Variants in CILK1 observed in about 807,000 individuals in gnomAD.
The protein encoded by CILK1 is ciliogenesis associated kinase 1.
In CILK1, 47 loss-of-function variants were observed where a neutral mutation model predicts 79.2. That is an observed-to-expected ratio of 0.59 (90% CI 0.47 to 0.76). The LOEUF (loss-of-function observed/expected upper bound fraction) is 0.76, where lower values mean the gene tolerates loss of function less well. Among genes scored for constraint, CILK1 ranks in the 30% least tolerant of loss-of-function variants. The pLI is 0.00. For missense variants in CILK1, 660 were observed against 769.5 expected (o/e 0.86, Z 1.68); for synonymous variants, 266 against 275.9 (o/e 0.96, Z 0.36).
At chr6:53,050,837 T>A (rs568148419) in intron 1 of CILK1, among the ~76,000 whole-genome samples, 14 of 151,890 alleles carry the variant, frequency 9.2e-5, no homozygotes, top group East Asian at 5.8e-4. Flanking sequence ...CAAAAAAAAA[T>A]TTTTTTTAAT....
chr6:53,006,083 T>C (rs933150091), intron 13 of CILK1, among the ~76,000 whole-genome samples: 1 of 152,150 alleles, frequency 6.6e-6, no homozygotes, highest in African/African-American at 2.4e-5. Flanking sequence ...TACCCCACAC[T>C]CCAACCCCCA....
intron 5 of CILK1, among the ~76,000 whole-genome samples, chr6:53,030,643 A>C (rs1330683821): frequency 1.3e-5 from 2 of 152,118 alleles, no homozygotes; most frequent in Admixed American, 6.5e-5. Context: ...TGTCGCATAC[A>C]TTTTGTTAGA....
intron 4 of CILK1, among the ~76,000 whole-genome samples, chr6:53,032,326 C>T (rs551185019): frequency 3.3e-5 from 5 of 151,964 alleles, no homozygotes; most frequent in African/African-American, 1.2e-4. Context: ...GAAAAGCACA[C>T]CAGCATGGCA....
At chr6:53,056,194 T>A (rs1258210706) in intron 1 of CILK1, among the ~76,000 whole-genome samples, 1 of 152,246 alleles carries the variant, frequency 6.6e-6, no homozygotes, top group East Asian at 1.9e-4. Context: ...TATCAGTATT[T>A]ATATGCTATT....
In CILK1 at chr6:53,012,052, T is replaced by C; in HGVS notation, c.1328A>G (p.Asp443Gly). 1 of 1,614,128 alleles carries C rather than the reference T, an allele frequency of 6.2e-7. No homozygotes were observed. The highest frequency in any genetic ancestry group is 2.2e-5 in the East Asian group (1 of 44,882). ...GCACACTTGCCTGCAGAGAGTGTCATCACTCTGTCTTTTCTTGTTTTTCAG... is the reference window on the plus strand; with the variant it reads ...GCACACTTGCCTGCAGAGAGTGTCACCACTCTGTCTTTTCTTGTTTTTCAG... The part of the protein sequence containing the change: ...IDLKNKKRQS[D>G]DTLCRFESVL... Residue 443 changes from aspartate to glycine, a missense_variant, in exon 10 of 14, where the codon GAT becomes GGT. Transcript: ENST00000676107.
chr6:53,042,795 T>C (rs1439437724), intron 1 of CILK1, among the ~76,000 whole-genome samples: 3 of 152,156 alleles, frequency 2.0e-5, no homozygotes, highest in Non-Finnish European at 4.4e-5. Context: ...CAATGTGGGA[T>C]CCTTCACAGG....
chr6:53,058,265 AACCTTGGTTACC>A (rs1243767862), intron 1 of CILK1, among the ~76,000 whole-genome samples: 1 of 152,162 alleles, frequency 6.6e-6, no homozygotes, highest in Non-Finnish European at 1.5e-5. Context: ...TGCCCATATC[AACCTTGGTTACC>A]ACCTTGAGGT....
intron 11 of CILK1, 58 bp downstream of exon 11, chr6:53,011,711 A>G (rs1396345226): frequency 6.6e-7 from 1 of 1,524,418 alleles, no homozygotes; most frequent in African/African-American, 1.4e-5. Context: ...TGAATATGTG[A>G]TTCCAAGGAC....
Position 53,023,317 on chromosome 6 carries a change from G to A in CILK1, c.359-3958C>T, listed in dbSNP as rs564120113. 3.3e-5 allele frequency among the ~76,000 whole-genome samples: 5 copies of A among 152,292 alleles called. No individual in the cohort carries two copies. In the East Asian group the frequency reaches 7.7e-4, roughly 23 times the overall value. On this transcript the variant is annotated intron_variant, in intron 5 of 13. Transcript: ENST00000676107. ...TTATGAATGCCTGGCACAGTGGCAG[G>A]AGCACTGTGGTCTCATAATATACTC...
At chr6:53,056,011 G>T (rs1355272367) in intron 1 of CILK1, among the ~76,000 whole-genome samples, 1 of 152,182 alleles carries the variant, frequency 6.6e-6, no homozygotes, top group Non-Finnish European at 1.5e-5. Context: ...TCAGGGGTGG[G>T]CAAGATAAGG....
intron 1 of CILK1, among the ~76,000 whole-genome samples, chr6:53,051,656 C>T (rs567588276): frequency 2.6e-5 from 4 of 152,168 alleles, no homozygotes; most frequent in African/African-American, 4.8e-5. Context: ...TCTCCATTTC[C>T]GATTTTTTGA....
intron 5 of CILK1, among the ~76,000 whole-genome samples, chr6:53,024,103 G>T (rs2127427836): frequency 6.6e-6 from 1 of 152,216 alleles, no homozygotes; most frequent in East Asian, 1.9e-4. Flanking sequence ...TATAGCACAT[G>T]CATACACGGG....
At chr6:53,021,703 G>A (rs1461457056) in intron 5 of CILK1, among the ~76,000 whole-genome samples, 1 of 151,426 alleles carries the variant, frequency 6.6e-6, no homozygotes, top group Non-Finnish European at 1.5e-5. Context: ...ATATGATGGT[G>A]GTCTTATTAT....
Position 53,018,316 on chromosome 6 carries a change from T to C in CILK1, c.663+14A>G, listed in dbSNP as rs372000523. On this transcript the variant is annotated intron_variant, in intron 7 of 13. Transcript: ENST00000676107. The stretch of plus-strand genomic sequence containing the variant: ...GTTGGCTTTGGCCCACTGGCCTTTG[T>C]TTTGTATCATTACCTTTTTTGGTGT... The C allele has an allele frequency of 5.5e-5, 89 of 1,613,672 alleles. No individual in the cohort carries two copies. The African/African-American group carries it at 9.6e-4, about 17-fold the overall frequency.
intron 5 of CILK1, among the ~76,000 whole-genome samples, chr6:53,020,812 T>C (rs1765187363): frequency 6.6e-6 from 1 of 152,222 alleles, no homozygotes. Flanking sequence ...TCTACATTTC[T>C]AATGTGCCTT....
chr6:53,023,805 G>C (rs1201086117), intron 5 of CILK1, among the ~76,000 whole-genome samples: 49 of 152,196 alleles, frequency 3.2e-4, no homozygotes, highest in Admixed American at 3.2e-3. Flanking sequence ...ACTGGGTCAA[G>C]TTCCAAATGG....
In CILK1 at chr6:53,013,830, C is replaced by T; in HGVS notation, c.984G>A (p.Lys328=). 4 of 1,613,830 alleles carry T rather than the reference C, an allele frequency of 2.5e-6. No homozygotes were observed. Residue 328 remains lysine (K), a synonymous_variant, in exon 9 of 14, where the codon AAG becomes AAA. Transcript: ENST00000676107. The part of the protein sequence containing the change: ...KPVPPAQPPA[K]PHTRISSRQH... Reference sequence around the variant, plus strand: ...GTCGTGAAGAAATTCGTGTGTGTGGCTTGGCTGGTGGCTGGGCAGGTGGGA... The same window carrying T: ...GTCGTGAAGAAATTCGTGTGTGTGGTTTGGCTGGTGGCTGGGCAGGTGGGA...
intron 6 of CILK1, among the ~76,000 whole-genome samples, 186 bp downstream of exon 6, chr6:53,019,041 T>C (rs896835091): frequency 6.6e-6 from 1 of 152,256 alleles, no homozygotes; most frequent in African/African-American, 2.4e-5. Context: ...AGGTTTTCTT[T>C]TAACATGATT....
chr6:53,027,525 C>T (rs1370296446), intron 5 of CILK1, among the ~76,000 whole-genome samples: 1 of 152,208 alleles, frequency 6.6e-6, no homozygotes, highest in East Asian at 1.9e-4. Context: ...AGGCAGAATG[C>T]ACCTCCTCAC....
Sources: gnomAD v4.1 joint callset for allele counts (sites outside exome capture counted in the v4.1 genomes callset) on GRCh38, gnomAD v4.1.1 for gene constraint, MANE v1.5 for transcripts, NCBI Gene and HGNC (gene_info 2026-07-23, HGNC 2026-07-21) for gene names.